CUX1: variants seen among roughly 807,000 people sequenced by gnomAD.
The protein encoded by CUX1 is cut like homeobox 1.
CUX1 carries 31 observed loss-of-function variants against 158.8 expected under a neutral mutation model. The ratio of observed to expected loss-of-function variants is 0.20; its 90% CI spans 0.15 to 0.26. CUX1 has a LOEUF of 0.26. Among genes scored for constraint, CUX1 ranks in the 10% least tolerant of loss-of-function variants. CUX1 has a pLI of 1.00. For missense variants in CUX1, 1,589 were observed against 2,014.6 expected (o/e 0.79, Z 4.04); for synonymous variants, 879 against 862.1 (o/e 1.02, Z -0.34).
chr7:102,185,469 G>C (rs1793524115), intron 11 of CUX1, among the ~76,000 whole-genome samples: 1 of 152,058 alleles, frequency 6.6e-6, no homozygotes, highest in Non-Finnish European at 1.5e-5. Flanking sequence ...CTTTTGCCTG[G>C]GGTGGAGTGG....
intron 1 of CUX1, among the ~76,000 whole-genome samples, chr7:101,870,162 T>G (rs540769971): frequency 5.3e-5 from 8 of 149,904 alleles, no homozygotes; most frequent in Middle Eastern, 3.4e-3. Context: ...TGTTTTTTTT[T>G]TTTTTTTTAA....
chr7:101,917,848 A>C (rs1804405746), intron 2 of CUX1, among the ~76,000 whole-genome samples: 1 of 152,102 alleles, frequency 6.6e-6, no homozygotes, highest in Non-Finnish European at 1.5e-5. Context: ...AAAATCTTAG[A>C]GGTTTGGCTG....
chr7:101,859,618 C>A (rs114069251), intron 1 of CUX1, among the ~76,000 whole-genome samples: 1 of 152,108 alleles, frequency 6.6e-6, no homozygotes, highest in Non-Finnish European at 1.5e-5. Context: ...TTGGAAATAC[C>A]GTTTTTTGCC....
chr7:102,017,849 A>T (rs1186353955), intron 2 of CUX1, among the ~76,000 whole-genome samples: 1 of 152,218 alleles, frequency 6.6e-6, no homozygotes, highest in African/African-American at 2.4e-5. Context: ...TCTGTCTCAG[A>T]AAAACATGTG....
chr7:102,195,380 TC>T, intron 13 of CUX1, 126 bp from the exon 14 acceptor site: 1 of 683,434 alleles, frequency 1.5e-6, no homozygotes, highest in East Asian at 2.9e-5. Flanking sequence ...GCAGCCCACT[TC>T]CTAATCAGAT....
chr7:102,060,042 G>A (rs538321108), intron 3 of CUX1, among the ~76,000 whole-genome samples: 17 of 152,040 alleles, frequency 1.1e-4, no homozygotes, highest in Non-Finnish European at 1.6e-4. Flanking sequence ...TTGGGAGGCC[G>A]AGGTGGGCGG....
At position 102,060,580 on chromosome 7, in the gene CUX1, C is replaced by CAT. The variant is rs1041452973; in HGVS notation, c.190-9747_190-9746dup. ...ATATATATACACACACACATATATA[C>CAT]ATATATATATATACACACACACAAA... On this transcript the variant is annotated intron_variant, in intron 3 of 23. Transcript: ENST00000292535. 5.5e-4 allele frequency among the ~76,000 whole-genome samples: 66 copies of CAT among 119,226 alleles called. 2 individuals carry two copies. In the South Asian group the frequency reaches 8.5e-3, roughly 15 times the overall value. 78.2% of individuals were successfully genotyped at this position (119,226 alleles called of 152,430 possible). A position where few individuals can be genotyped will look rare whatever the true frequency, so the allele number is the denominator to read the frequency against.
In CUX1 at chr7:101,992,025, C is replaced by T. The variant is rs561854979; in HGVS notation, c.142-36073C>T. Among the ~76,000 whole-genome samples the T allele has an allele frequency of 3.9e-5, 6 of 152,290 alleles. No homozygotes were observed. The South Asian group carries it at 1.2e-3, about 32-fold the overall frequency. On this transcript the variant is annotated intron_variant, in intron 2 of 23. Coordinates refer to ENST00000292535, the MANE Select transcript of CUX1 (RefSeq NM_181552.4). Reference sequence around the variant, plus strand: ...TGGGCAACATAGTGAGATTCCGTTTCAAAAATATGTATCAGTAGGTTAATC... The same window carrying T: ...TGGGCAACATAGTGAGATTCCGTTTTAAAAATATGTATCAGTAGGTTAATC...
intron 20 of CUX1, among the ~76,000 whole-genome samples, chr7:102,215,448 A>G (rs950372842): frequency 6.6e-6 from 1 of 152,158 alleles, no homozygotes; most frequent in Non-Finnish European, 1.5e-5. Context: ...CTGCCTGATT[A>G]ATATGCAAAT....
chr7:102,005,741 T>C (rs1376197462), intron 2 of CUX1, among the ~76,000 whole-genome samples: 2 of 152,056 alleles, frequency 1.3e-5, no homozygotes, highest in East Asian at 3.9e-4. Context: ...AGGCTGGGGC[T>C]CTCAGGGACA....
chr7:102,142,453 A>G (rs1038822353), intron 8 of CUX1, among the ~76,000 whole-genome samples: 1 of 152,108 alleles, frequency 6.6e-6, no homozygotes, highest in Non-Finnish European at 1.5e-5. Flanking sequence ...CCCTTCCTAA[A>G]CAGCCTTTAA....
chr7:102,097,904 G>T (rs1829367317), intron 5 of CUX1, among the ~76,000 whole-genome samples: 1 of 152,196 alleles, frequency 6.6e-6, no homozygotes, highest in African/African-American at 2.4e-5. Flanking sequence ...ATACATTAAG[G>T]CTTCAGACAC....
intron 3 of CUX1, among the ~76,000 whole-genome samples, chr7:102,064,708 CT>C (rs1825346523): frequency 6.6e-6 from 1 of 152,162 alleles, no homozygotes; most frequent in Admixed American, 6.5e-5. Context: ...GGCAGAGTCA[CT>C]GTGTTGTGTC....
chr7:102,249,738 C>G lies in CUX1; in HGVS notation c.*696C>G. 1.0e-6 allele frequency: 1 copy of G among 985,430 alleles called. No homozygotes were observed. The highest frequency in any genetic ancestry group is 1.2e-6 in the Non-Finnish European group (1 of 829,670). 61.0% of individuals were successfully genotyped at this position (985,430 alleles called of 1,614,324 possible). ...GAAAGTTTTTGTAGCTGTTCAGTTG[C>G]CACTAAGAGATTGCACAGTCAAAAC... On this transcript the variant is annotated 3_prime_UTR_variant, in exon 24 of 24. Coordinates refer to ENST00000292535, the MANE Select transcript of CUX1 (RefSeq NM_181552.4).
chr7:102,061,163 A>T (rs564975374), intron 3 of CUX1, among the ~76,000 whole-genome samples: 2 of 152,050 alleles, frequency 1.3e-5, no homozygotes, highest in Admixed American at 6.6e-5. Flanking sequence ...ACCTCAGGTG[A>T]TCCATCTGCT....
At chr7:101,909,552 C>T (rs977244724) in intron 1 of CUX1, among the ~76,000 whole-genome samples, 7 of 152,196 alleles carry the variant, frequency 4.6e-5, no homozygotes, top group Admixed American at 6.5e-5. Flanking sequence ...GAACCATGGC[C>T]GACCTTTCCC....
At chr7:101,858,016 G>A (rs760303458) in intron 1 of CUX1, among the ~76,000 whole-genome samples, 3 of 152,124 alleles carry the variant, frequency 2.0e-5, no homozygotes, top group South Asian at 4.1e-4. Flanking sequence ...CCAGCTCCTC[G>A]GGAGGCTGAG....
At position 102,172,650 on chromosome 7, in the gene CUX1, C is replaced by T. The variant is rs560481929; in HGVS notation, c.828+2100C>T. 1.1e-4 allele frequency among the ~76,000 whole-genome samples: 17 copies of T among 152,330 alleles called. No homozygotes were observed. In the South Asian group the frequency reaches 2.9e-3, roughly 26 times the overall value. On this transcript the variant is annotated intron_variant, in intron 10 of 23. Coordinates refer to ENST00000292535, the MANE Select transcript of CUX1 (RefSeq NM_181552.4). ...TGGCTGAGCTAAGACCTGAATTGGGCGTTCTGGCACCCCAGACTGTGGCTT... is the reference window on the plus strand; with the variant it reads ...TGGCTGAGCTAAGACCTGAATTGGGTGTTCTGGCACCCCAGACTGTGGCTT...
intron 4 of CUX1, among the ~76,000 whole-genome samples, chr7:102,080,864 C>T (rs577445625): frequency 6.6e-5 from 10 of 152,316 alleles, no homozygotes; most frequent in Non-Finnish European, 1.0e-4. Flanking sequence ...AGTCCCAGAG[C>T]GACTTAGTTG....
Sources: gnomAD v4.1 joint callset for allele counts (sites outside exome capture counted in the v4.1 genomes callset) on GRCh38, gnomAD v4.1.1 for gene constraint, MANE v1.5 for transcripts, NCBI Gene and HGNC (gene_info 2026-07-23, HGNC 2026-07-21) for gene names.